The following COL25A1 variants were observed in gnomAD, a reference collection of about 807,000 sequenced individuals.
The protein encoded by COL25A1 is collagen alpha-1(XXV) chain.
Under a neutral mutation model 128.4 loss-of-function variants are expected in COL25A1, and 103 were observed. The observed-to-expected ratio is 0.80, with a 90% CI of 0.68 to 0.94. The LOEUF (loss-of-function observed/expected upper bound fraction) is 0.94. Ranked by LOEUF, COL25A1 falls within the 40% of genes least tolerant of loss-of-function variation. The probability of loss-of-function intolerance (pLI) is 0.00; values close to 1 mark genes in which losing one functional copy is unlikely to be tolerated. For synonymous variants in COL25A1, 279 were observed against 277.2 expected (o/e 1.01, Z -0.06); for missense variants, 745 against 840.0 (o/e 0.89, Z 1.40).
intron 8 of COL25A1, among the ~76,000 whole-genome samples, chr4:108,952,369 A>G (rs974312719): frequency 1.3e-5 from 2 of 152,180 alleles, no homozygotes; most frequent in African/African-American, 4.8e-5. Context: ...AAAATTCTCC[A>G]GAAGTCCTGT....
intron 3 of COL25A1, among the ~76,000 whole-genome samples, chr4:109,071,403 T>C (rs1439582097): frequency 6.6e-6 from 1 of 152,038 alleles, no homozygotes; most frequent in Non-Finnish European, 1.5e-5. Context: ...ACTTCATGTC[T>C]AAAACACCAA....
At chr4:109,037,590 G>A (rs1038172150) in intron 5 of COL25A1, among the ~76,000 whole-genome samples, 36 of 152,292 alleles carry the variant, frequency 2.4e-4, no homozygotes, top group African/African-American at 1.2e-4. Context: ...TCGCATGTGC[G>A]GCAGAGAGAC....
intron 3 of COL25A1, among the ~76,000 whole-genome samples, chr4:109,060,067 C>T (rs995198973): frequency 1.3e-5 from 2 of 152,170 alleles, no homozygotes; most frequent in Non-Finnish European, 2.9e-5. Flanking sequence ...CATCTACAAA[C>T]TAACCTCTCA....
chr4:108,920,662 C>A, intron 11 of COL25A1, 58 bp from the exon 12 acceptor site: 1 of 1,267,894 alleles, frequency 7.9e-7, no homozygotes, highest in South Asian at 1.3e-5. Context: ...GCTTAGATGA[C>A]CAATTTAAAC....
chr4:109,016,165 C>A (rs543523194), intron 5 of COL25A1, among the ~76,000 whole-genome samples: 3 of 152,228 alleles, frequency 2.0e-5, no homozygotes, highest in Non-Finnish European at 2.9e-5. Context: ...TCCGGCCTCT[C>A]CCTACTCCTA....
chr4:109,189,208 TC>T (rs2126158497), intron 3 of COL25A1, among the ~76,000 whole-genome samples: 1 of 152,236 alleles, frequency 6.6e-6, no homozygotes, highest in South Asian at 2.1e-4. Flanking sequence ...TAAGATATAT[TC>T]CCACAAATAA....
chr4:108,911,418 T>A (rs902841127), intron 13 of COL25A1, among the ~76,000 whole-genome samples: 3 of 129,924 alleles, frequency 2.3e-5, no homozygotes, highest in Admixed American at 1.7e-4. Context: ...TTATAATACT[T>A]CGCAATACTC....
chr4:108,983,254 A>C (rs1459846846), intron 6 of COL25A1, among the ~76,000 whole-genome samples: 2 of 152,172 alleles, frequency 1.3e-5, no homozygotes, highest in African/African-American at 2.4e-5. Context: ...TTGGAATCCT[A>C]AACATTCCTT....
intron 5 of COL25A1, among the ~76,000 whole-genome samples, chr4:109,027,115 T>C (rs1326984848): frequency 1.3e-5 from 2 of 152,226 alleles, no homozygotes; most frequent in Admixed American, 6.5e-5. Context: ...ATATGGTAGC[T>C]AAAACAAAGC....
At position 109,010,947 on chromosome 4, in the gene COL25A1, T is replaced by A. The variant is rs1406319774; in HGVS notation, c.421-572A>T. Among the ~76,000 whole-genome samples, 3 of 152,242 alleles carry A rather than the reference T, an allele frequency of 2.0e-5. No homozygotes were observed. The East Asian group carries it at 5.8e-4, about 29-fold the overall frequency. On this transcript the variant is annotated intron_variant, in intron 5 of 37. Transcript: ENST00000399132. ...AGCCTAAGGACATTTTAAAAGGATA[T>A]CAGAGGTCTTTGGATCATGCATCCT...
intron 3 of COL25A1, among the ~76,000 whole-genome samples, chr4:109,099,328 A>G (rs955973209): frequency 3.3e-5 from 5 of 152,200 alleles, no homozygotes; most frequent in African/African-American, 4.8e-5. Context: ...AAAAGCCAGC[A>G]TTGCACAGAT....
intron 5 of COL25A1, among the ~76,000 whole-genome samples, chr4:109,038,926 C>T (rs568919693): frequency 2.0e-5 from 3 of 152,130 alleles, no homozygotes. Flanking sequence ...TCAGCATCAA[C>T]CCCTACCCAA....
chr4:109,079,609 C>A (rs976331434), intron 3 of COL25A1, among the ~76,000 whole-genome samples: 1 of 151,780 alleles, frequency 6.6e-6, no homozygotes, highest in African/African-American at 2.4e-5. Flanking sequence ...AAAGTGCACA[C>A]AATAAAAGGA....
chr4:108,922,164 C>T (rs1372174883), intron 11 of COL25A1, among the ~76,000 whole-genome samples: 1 of 152,172 alleles, frequency 6.6e-6, no homozygotes, highest in African/African-American at 2.4e-5. Flanking sequence ...AGCATATAAA[C>T]ATATTTAATC....
chr4:109,268,728 C>T (rs928145890), intron 3 of COL25A1, among the ~76,000 whole-genome samples: 1 of 152,056 alleles, frequency 6.6e-6, no homozygotes. Context: ...GGAAACAAAT[C>T]GAGATGCCTT....
At chr4:108,945,124 A>G (rs998674945) in intron 8 of COL25A1, among the ~76,000 whole-genome samples, 3 of 152,222 alleles carry the variant, frequency 2.0e-5, no homozygotes, top group African/African-American at 4.8e-5. Flanking sequence ...AATATGGTAC[A>G]TCTTCCTAAA....
At position 108,860,582 on chromosome 4, in the gene COL25A1, T is replaced by A. The variant is rs192074329; in HGVS notation, c.1242+345A>T. Among the ~76,000 whole-genome samples, 811 of 152,070 alleles carry A rather than the reference T, an allele frequency of 5.3e-3. 4 individuals carry two copies. The highest frequency in any genetic ancestry group is 0.013 in the African/African-American group (534 of 41,474). ...GTCATGTCATAATTCCCTTTTTTTT[T>A]AAAAAAAGACACTGAACATATGGGT... On this transcript the variant is annotated intron_variant, in intron 23 of 37. Coordinates refer to ENST00000399132, the MANE Select transcript of COL25A1 (RefSeq NM_198721.4).
At chr4:109,144,772 A>G (rs1347244788) in intron 3 of COL25A1, among the ~76,000 whole-genome samples, 1 of 152,194 alleles carries the variant, frequency 6.6e-6, no homozygotes, top group African/African-American at 2.4e-5. Context: ...GTATTCAGAA[A>G]CAAGGCAAGA....
At chr4:109,294,897 C>T (rs961695) in intron 3 of COL25A1, among the ~76,000 whole-genome samples, 24,861 of 151,992 alleles carry the variant, frequency 0.16, 5,722 homozygotes, top group African/African-American at 0.52. Context: ...TCTCTCCATT[C>T]ACCTAATCCT....
Sources: gnomAD v4.1 joint callset for allele counts (sites outside exome capture counted in the v4.1 genomes callset) on GRCh38, gnomAD v4.1.1 for gene constraint, MANE v1.5 for transcripts, NCBI Gene and HGNC (gene_info 2026-07-23, HGNC 2026-07-21) for gene names.